Variants in BPIFB6 observed in about 807,000 individuals in gnomAD.
The protein encoded by BPIFB6 is BPI fold containing family B member 6.
Under a neutral mutation model 54.7 loss-of-function variants are expected in BPIFB6, and 47 were observed. That is an observed-to-expected ratio of 0.86 (90% CI 0.68 to 1.10). The LOEUF is 1.10. BPIFB6 is among the 50% of genes least tolerant of loss of function. The probability of loss-of-function intolerance (pLI) is 0.00; values close to 1 mark genes in which losing one functional copy is unlikely to be tolerated. For synonymous variants in BPIFB6, 255 were observed against 225.9 expected (o/e 1.13, Z -1.16); for missense variants, 603 against 564.1 (o/e 1.07, Z -0.70).
At chr20:33,043,149 G>T (rs1409023458) in intron 13 of BPIFB6, 142 bp from the exon 14 acceptor site, 8 of 791,924 alleles carry the variant, frequency 1.0e-5, no homozygotes, top group Non-Finnish European at 1.7e-5. Context: ...TGCAAATCAG[G>T]CTTATTAGCT....
chr20:33,040,822 C>CATT (rs950031493), intron 11 of BPIFB6, among the ~76,000 whole-genome samples: 5 of 152,202 alleles, frequency 3.3e-5, no homozygotes, highest in African/African-American at 1.2e-4. Context: ...CTTAGCTTAA[C>CATT]ATTCGGTCCC....
chr20:33,037,482 A>T, intron 7 of BPIFB6, 80 bp from the exon 8 acceptor site: 1 of 1,422,662 alleles, frequency 7.0e-7, no homozygotes, highest in Non-Finnish European at 9.5e-7. Flanking sequence ...CTGGAGCCCC[A>T]TTTGCTTGGA....
chr20:33,043,217 C>A (rs1979666347), intron 13 of BPIFB6, 74 bp from the exon 14 acceptor site: 3 of 1,315,168 alleles, frequency 2.3e-6, no homozygotes, highest in Admixed American at 1.7e-5. Flanking sequence ...TTCCCACTAT[C>A]CCTACCCCAG....
chr20:33,035,049 C>T (rs1600523793), intron 4 of BPIFB6, 32 bp from the exon 5 acceptor site: 1 of 1,612,750 alleles, frequency 6.2e-7, no homozygotes, highest in East Asian at 2.2e-5. Flanking sequence ...GGTGCACCTG[C>T]CCACCTATCC....
intron 12 of BPIFB6, 74 bp downstream of exon 12, chr20:33,042,089 G>T: frequency 1.4e-6 from 2 of 1,471,614 alleles, no homozygotes; most frequent in Non-Finnish European, 1.9e-6. Context: ...GAACTACAGG[G>T]CCGAGGCCCT....
In BPIFB6 at chr20:33,031,750, G is replaced by A. The variant is rs772900788; in HGVS notation, c.97+6G>A. ...GGGCATGGACATCATGAACCGTGGT[G>A]AGCTTGTGGGCCCGGGCGTGCAGCT... On this transcript the variant is annotated splice_donor_region_variant and intron_variant, in intron 1 of 14. Coordinates refer to ENST00000349552, the MANE Select transcript of BPIFB6 (RefSeq NM_174897.2). 2.2e-5 allele frequency: 35 copies of A among 1,613,726 alleles called. No individual in the cohort carries two copies. The highest frequency in any genetic ancestry group is 2.8e-5 in the Non-Finnish European group (33 of 1,179,828).
In BPIFB6 at chr20:33,037,594, C is replaced by T. The variant is rs1224510215; in HGVS notation, c.702C>T (p.Ile234=). Residue 234 remains isoleucine (I), a synonymous_variant, in exon 8 of 15, where the codon ATC becomes ATT. Coordinates refer to ENST00000349552, the MANE Select transcript of BPIFB6 (RefSeq NM_174897.2). ...PVVQQQKGKT[I]KLADAGEALT... is the part of the protein sequence containing the mutation. ...TGCAGCAGCAAAAGGGCAAAACCAT[C>T]AAGCTTGCTGATGCCGGGGAGGCCC... 6.2e-7 allele frequency: 1 copy of T among 1,613,834 alleles called. No homozygotes were observed. Among genetic ancestry groups the T allele is most frequent in the Non-Finnish European group, 8.5e-7 (1 of 1,179,812 alleles).
chr20:33,032,587 G>A (rs1456798287), intron 1 of BPIFB6, among the ~76,000 whole-genome samples: 5 of 152,106 alleles, frequency 3.3e-5, no homozygotes, highest in African/African-American at 4.8e-5. Context: ...TCACCCTCCA[G>A]CCATGCTGAA....
Position 33,035,621 on chromosome 20 carries a change from G to A in BPIFB6, c.526G>A (p.Ala176Thr), listed in dbSNP as rs151337960. ...CCTTCTCTGCTTCCAGATGTGTCCCGCCATCGATGCAGTCCTGGTGTATGT... is the reference window on the plus strand; with the variant it reads ...CCTTCTCTGCTTCCAGATGTGTCCCACCATCGATGCAGTCCTGGTGTATGT... ...HKVLPGLMCP[A>T]IDAVLVYVNR... is the part of the protein sequence containing the mutation. The change falls in exon 6 of 15, where the codon GCC (alanine) becomes ACC (threonine). Residue 176 changes from alanine to threonine, a missense_variant. Transcript: ENST00000349552. The A allele has an allele frequency of 1.3e-4, 216 of 1,613,966 alleles. No homozygotes were observed. Among genetic ancestry groups the A allele is most frequent in the African/African-American group, 4.0e-5 (3 of 74,874 alleles).
chr20:33,034,166 GGCT>G lies in BPIFB6; in HGVS notation c.198-17_198-15del. On this transcript the variant is annotated splice_polypyrimidine_tract_variant and intron_variant, in intron 2 of 14. Coordinates refer to ENST00000349552, the MANE Select transcript of BPIFB6 (RefSeq NM_174897.2). ...TTGCCTGCTCAGATCTTATTGGTGT[GGCT>G]GCCTGTCCCTTCCCAGTTTGAAGGT... 6.3e-7 allele frequency: 1 copy of G among 1,583,772 alleles called. No individual in the cohort carries two copies. Among genetic ancestry groups the G allele is most frequent in the Non-Finnish European group, 8.7e-7 (1 of 1,152,332 alleles).
rs754773541 is a variant in BPIFB6, at chr20:33,044,023, G to C, written c.1338G>C (p.Leu446=). The C allele has an allele frequency of 6.2e-7, 1 of 1,614,162 alleles. No homozygotes were observed. Among genetic ancestry groups the C allele is most frequent in the Admixed American group, 1.7e-5 (1 of 60,024 alleles). Residue 446 remains leucine, a synonymous_variant, in exon 15 of 15, where the codon CTG becomes CTC. Coordinates refer to ENST00000349552, the MANE Select transcript of BPIFB6 (RefSeq NM_174897.2). The part of the protein sequence containing the change: ...LAELDIVENA[L]MLDLKLG ...CCTTTGCCTTTTGCCAGAATGCCCT[G>C]ATGCTGGACTTGAAGCTGGGCTGAC...
intron 10 of BPIFB6, 38 bp from the exon 11 acceptor site, chr20:33,040,213 C>T: frequency 6.3e-7 from 1 of 1,593,076 alleles, no homozygotes. Flanking sequence ...TGGTGGGGAA[C>T]CCACTGCCTT....
At chr20:33,041,332 G>A (rs1045493895) in intron 11 of BPIFB6, among the ~76,000 whole-genome samples, 1 of 152,054 alleles carries the variant, frequency 6.6e-6, no homozygotes, top group African/African-American at 2.4e-5. Flanking sequence ...TTGGATCCAG[G>A]CACACAAATG....
chr20:33,033,096 G>A lies in BPIFB6; in HGVS notation c.197+13G>A. ...AGGGCATCACCAAGTGAGTAGGGGA[G>A]GGGAGCTGGAGGGTGGTGGTTAGGG... is the stretch of plus-strand genomic sequence containing the variant. On this transcript the variant is annotated intron_variant, in intron 2 of 14. Transcript: ENST00000349552. 6.2e-7 allele frequency: 1 copy of A among 1,603,638 alleles called. No homozygotes were observed.
chr20:33,035,183 G>C (rs1403510412), intron 5 of BPIFB6, 39 bp downstream of exon 5: 36 of 1,596,000 alleles, frequency 2.3e-5, no homozygotes, highest in Non-Finnish European at 2.8e-5. Context: ...CTCGTTGCTG[G>C]GACTGCTTAG....
intron 13 of BPIFB6, 92 bp downstream of exon 13, chr20:33,042,970 G>C: frequency 8.8e-7 from 1 of 1,133,064 alleles, no homozygotes; most frequent in Non-Finnish European, 1.3e-6. Flanking sequence ...CCCTATCACT[G>C]GGCCCAGATG....
intron 6 of BPIFB6, among the ~76,000 whole-genome samples, chr20:33,035,949 C>T (rs1003886731): frequency 2.6e-5 from 4 of 152,156 alleles, no homozygotes; most frequent in Non-Finnish European, 4.4e-5. Flanking sequence ...CCACAAGCCT[C>T]GTGCCTATGT....
At chr20:33,039,185 G>A (rs929632900) in intron 9 of BPIFB6, among the ~76,000 whole-genome samples, 162 bp from the exon 10 acceptor site, 2 of 152,202 alleles carry the variant, frequency 1.3e-5, no homozygotes, top group South Asian at 2.1e-4. Flanking sequence ...GCCAAATTGT[G>A]TATTTTGTTT....
chr20:33,031,818 T>C, intron 1 of BPIFB6, 74 bp downstream of exon 1: 1 of 1,207,892 alleles, frequency 8.3e-7, no homozygotes, highest in Non-Finnish European at 1.2e-6. Context: ...TCACTGCTCT[T>C]GGTTGCACAT....
Sources: gnomAD v4.1 joint callset for allele counts (sites outside exome capture counted in the v4.1 genomes callset) on GRCh38, gnomAD v4.1.1 for gene constraint, MANE v1.5 for transcripts, NCBI Gene and HGNC (gene_info 2026-07-23, HGNC 2026-07-21) for gene names.